The following ASTN1 variants were observed in gnomAD, a reference collection of about 807,000 sequenced individuals.
The protein encoded by ASTN1 is astrotactin 1, also known as astrotactin-1.
A neutral mutation model predicts 140.7 loss-of-function variants in ASTN1; 41 were observed. The observed-to-expected ratio is 0.29, with a 90% CI of 0.23 to 0.38. The LOEUF (loss-of-function observed/expected upper bound fraction) is 0.38, where lower values mean the gene tolerates loss of function less well. Among genes scored for constraint, ASTN1 ranks in the 10% least tolerant of loss-of-function variants. The pLI, the probability that ASTN1 is intolerant of heterozygous loss-of-function variation, is 1.00. For synonymous variants in ASTN1, 640 were observed against 652.2 expected, an observed-to-expected ratio of 0.98 and a Z score of 0.29; for missense variants, 1,479 against 1,678.8, an observed-to-expected ratio of 0.88 and a Z score of 2.08.
chr1:177,106,845 T>C (rs776126722), intron 1 of ASTN1, among the ~76,000 whole-genome samples: 1 of 152,174 alleles, frequency 6.6e-6, no homozygotes, highest in Non-Finnish European at 1.5e-5. Flanking sequence ...TAATTTGCTG[T>C]CCTAATTCCC....
chr1:176,989,001 A>G (rs1289774809), intron 8 of ASTN1, among the ~76,000 whole-genome samples: 1 of 152,218 alleles, frequency 6.6e-6, no homozygotes, highest in East Asian at 1.9e-4. Context: ...TATCAAGTCT[A>G]AATTTATGAA....
At chr1:177,119,201 C>G (rs1283985077) in intron 1 of ASTN1, among the ~76,000 whole-genome samples, 1 of 152,112 alleles carries the variant, frequency 6.6e-6, no homozygotes, top group African/African-American at 2.4e-5. Flanking sequence ...CAGACAGTGC[C>G]CTCATCAATG....
At chr1:176,968,421 G>A (rs1672979468) in intron 8 of ASTN1, among the ~76,000 whole-genome samples, 1 of 152,172 alleles carries the variant, frequency 6.6e-6, no homozygotes, top group Non-Finnish European at 1.5e-5. Flanking sequence ...CTTCACATAG[G>A]CTGGAGAGGA....
At chr1:177,008,421 G>A (rs529519448) in intron 8 of ASTN1, among the ~76,000 whole-genome samples, 314 of 149,702 alleles carry the variant, frequency 2.1e-3, no homozygotes, top group Non-Finnish European at 3.8e-3. Context: ...AGGAAGGGGG[G>A]GTGGAGAGGA....
chr1:177,036,921 G>A (rs1055908384), intron 2 of ASTN1, among the ~76,000 whole-genome samples: 1 of 152,106 alleles, frequency 6.6e-6, no homozygotes, highest in African/African-American at 2.4e-5. Flanking sequence ...CCATGTTCAA[G>A]TGATTCTCTC....
intron 2 of ASTN1, among the ~76,000 whole-genome samples, chr1:177,038,489 G>A (rs1571691627): frequency 6.6e-6 from 1 of 152,054 alleles, no homozygotes; most frequent in South Asian, 2.1e-4. Flanking sequence ...AGGAAGGAAA[G>A]AAGGAAGGGA....
intron 7 of ASTN1, among the ~76,000 whole-genome samples, chr1:177,019,343 T>C (rs1675704394): frequency 6.6e-6 from 1 of 152,138 alleles, no homozygotes; most frequent in Non-Finnish European, 1.5e-5. Context: ...CCGAAAACCA[T>C]TTTTTTCCTA....
intron 1 of ASTN1, among the ~76,000 whole-genome samples, chr1:177,107,824 T>C (rs777447370): frequency 5.9e-5 from 9 of 152,196 alleles, no homozygotes; most frequent in Non-Finnish European, 1.3e-4. Context: ...GAGTATATCA[T>C]CTGTTTTCTT....
intron 1 of ASTN1, among the ~76,000 whole-genome samples, chr1:177,092,145 A>G (rs1261553250): frequency 6.6e-6 from 1 of 152,132 alleles, no homozygotes; most frequent in African/African-American, 2.4e-5. Context: ...CAATTTCTCC[A>G]CATCCTCCAC....
At chr1:176,970,467 C>T (rs1673088778) in intron 8 of ASTN1, among the ~76,000 whole-genome samples, 1 of 152,110 alleles carries the variant, frequency 6.6e-6, no homozygotes. Flanking sequence ...CACTTGGAAA[C>T]AGAGCTCAGA....
At chr1:177,047,759 T>C (rs1677314486) in intron 2 of ASTN1, among the ~76,000 whole-genome samples, 1 of 151,904 alleles carries the variant, frequency 6.6e-6, no homozygotes, top group Non-Finnish European at 1.5e-5. Flanking sequence ...AAGAAGAGGA[T>C]CCCATGGCCA....
intron 2 of ASTN1, among the ~76,000 whole-genome samples, chr1:177,041,964 A>G (rs780193754): frequency 1.2e-4 from 19 of 152,232 alleles, no homozygotes; most frequent in Non-Finnish European, 2.8e-4. Context: ...CATGTGTAGG[A>G]ATTCCAGTGA....
intron 16 of ASTN1, among the ~76,000 whole-genome samples, chr1:176,926,288 CAAA>C (rs3041009): frequency 4.0e-4 from 52 of 131,110 alleles, no homozygotes; most frequent in Admixed American, 3.8e-4. Flanking sequence ...AGTGCCTGCT[CAAA>C]AAAAAAAAAA....
chr1:177,103,322 A>T lies in ASTN1; in HGVS notation c.284-42057T>A, dbSNP rs151328512. ...TCTAGAAGCCAGAAAAAAACCTTACAGTGAAATTTGCCAGGCTAGAGGAGA... is the reference window on the plus strand; with the variant it reads ...TCTAGAAGCCAGAAAAAAACCTTACTGTGAAATTTGCCAGGCTAGAGGAGA... On this transcript the variant is annotated intron_variant, in intron 1 of 22. Coordinates refer to ENST00000361833, the MANE Select transcript of ASTN1 (RefSeq NM_004319.3). Among the ~76,000 whole-genome samples, 30 of 152,264 alleles carry T rather than the reference A, an allele frequency of 2.0e-4. No individual in the cohort carries two copies. In the East Asian group the frequency reaches 5.2e-3, roughly 27 times the overall value.
intron 16 of ASTN1, among the ~76,000 whole-genome samples, chr1:176,904,538 T>G (rs1179210957): frequency 6.6e-6 from 1 of 151,916 alleles, no homozygotes; most frequent in African/African-American, 2.4e-5. Flanking sequence ...ATTTGCTATT[T>G]CCAAATCTCC....
chr1:177,164,408 G>GGCA lies in ASTN1; in HGVS notation c.266_268dup (p.Leu89dup), dbSNP rs767107281. 6.2e-7 allele frequency: 1 copy of GGCA among 1,608,264 alleles called. No individual in the cohort carries two copies. The highest frequency in any genetic ancestry group is 8.5e-7 in the Non-Finnish European group (1 of 1,176,898). On this transcript the variant is annotated inframe_insertion, in exon 1 of 23. Transcript: ENST00000361833. ...CCGGGACTCACCCAGCACGAAGTAG[G>GGCA]GCAGCTCCGTGTTCTCCAGGTCGTC...
intron 2 of ASTN1, among the ~76,000 whole-genome samples, chr1:177,047,097 T>C (rs1677269089): frequency 6.6e-6 from 1 of 152,158 alleles, no homozygotes; most frequent in African/African-American, 2.4e-5. Flanking sequence ...GCAAGGAGCT[T>C]ACACTCAGGG....
Position 177,059,639 on chromosome 1 carries a change from C to T in ASTN1, c.471+1439G>A, listed in dbSNP as rs1487780075. On this transcript the variant is annotated intron_variant, in intron 2 of 22. Transcript: ENST00000361833. ...GTAACCTATCAAGCCAGTTTACTTA[C>T]GGGGACATGGGTTGAGGAAGAAATA... Among the ~76,000 whole-genome samples the T allele has an allele frequency of 3.3e-5, 5 of 152,216 alleles. No individual in the cohort carries two copies. In the South Asian group the frequency reaches 6.2e-4, roughly 19 times the overall value.
intron 1 of ASTN1, among the ~76,000 whole-genome samples, chr1:177,077,044 C>T (rs1558078361): frequency 6.6e-6 from 1 of 152,088 alleles, no homozygotes; most frequent in Non-Finnish European, 1.5e-5. Context: ...CTATCAGTGA[C>T]TCAAGAAAAT....
Sources: gnomAD v4.1 joint callset for allele counts (sites outside exome capture counted in the v4.1 genomes callset) on GRCh38, gnomAD v4.1.1 for gene constraint, MANE v1.5 for transcripts, NCBI Gene and HGNC (gene_info 2026-07-23, HGNC 2026-07-21) for gene names.